Variants in PHLPP1 observed in about 807,000 individuals in gnomAD.
The protein encoded by PHLPP1 is PH domain leucine-rich repeat-containing protein phosphatase 1.
PHLPP1 carries 42 observed loss-of-function variants against 117.2 expected under a neutral mutation model. That is an observed-to-expected ratio of 0.36 (90% CI 0.28 to 0.46). The LOEUF is 0.46. Among genes scored for constraint, PHLPP1 ranks in the 20% least tolerant of loss-of-function variants. The pLI is 1.00. For synonymous variants in PHLPP1, 1,042 were observed against 970.7 expected (o/e 1.07, Z -1.37); for missense variants, 2,084 against 2,241.9 (o/e 0.93, Z 1.42).
In PHLPP1 at chr18:62,775,158, C is replaced by T. The variant is rs374580199; in HGVS notation, c.1577-54877C>T. 7.2e-5 allele frequency among the ~76,000 whole-genome samples: 11 copies of T among 152,202 alleles called. No individual in the cohort carries two copies. In the South Asian group the frequency reaches 1.7e-3, roughly 23 times the overall value. On this transcript the variant is annotated intron_variant, in intron 1 of 16. Coordinates refer to ENST00000262719, the MANE Select transcript of PHLPP1 (RefSeq NM_194449.4). ...TGTCATCCAGGCTGGAGTGCAGTGG[C>T]GCCATCTCAGCTCACTGCAGCCTCT...
intron 4 of PHLPP1, among the ~76,000 whole-genome samples, chr18:62,865,584 T>C (rs1035025335): frequency 1.3e-5 from 2 of 152,210 alleles, no homozygotes; most frequent in African/African-American, 4.8e-5. Flanking sequence ...TGCCAAATCC[T>C]GATGTCTTAG....
rs553271568 is a variant in PHLPP1 at position 62,954,093 on chromosome 18, G to A, written c.3325-4536G>A. Among the ~76,000 whole-genome samples, 4 of 152,260 alleles carry A rather than the reference G, an allele frequency of 2.6e-5. No individual in the cohort carries two copies. In the East Asian group the frequency reaches 7.7e-4, roughly 29 times the overall value. On this transcript the variant is annotated intron_variant, in intron 12 of 16. Transcript: ENST00000262719. Reference sequence around the variant, plus strand: ...TCAAGTTGAATTTCTTTTTCTTTAAGATATAATGACTTTTTTATGCTCTTA... The same window carrying A: ...TCAAGTTGAATTTCTTTTTCTTTAAAATATAATGACTTTTTTATGCTCTTA...
At chr18:62,749,474 T>C (rs1229031433) in intron 1 of PHLPP1, among the ~76,000 whole-genome samples, 3 of 152,258 alleles carry the variant, frequency 2.0e-5, no homozygotes, top group Non-Finnish European at 4.4e-5. Flanking sequence ...AGTTTCTGCC[T>C]TTCCCGTTGT....
intron 7 of PHLPP1, among the ~76,000 whole-genome samples, 194 bp from the exon 8 acceptor site, chr18:62,905,030 T>C (rs1916809991): frequency 6.6e-6 from 1 of 152,258 alleles, no homozygotes; most frequent in South Asian, 2.1e-4. Flanking sequence ...TTTCAATCTC[T>C]GAAGAAGATC....
At chr18:62,818,145 A>C (rs1914347487) in intron 1 of PHLPP1, among the ~76,000 whole-genome samples, 1 of 152,074 alleles carries the variant, frequency 6.6e-6, no homozygotes, top group East Asian at 1.9e-4. Flanking sequence ...TGCCCGGGCC[A>C]AACTTCTTGA....
chr18:62,747,098 A>G (rs910434566), intron 1 of PHLPP1, among the ~76,000 whole-genome samples: 5 of 151,854 alleles, frequency 3.3e-5, no homozygotes, highest in Admixed American at 1.3e-4. Context: ...TGTAACTTTT[A>G]TTCGTGTTTT....
Position 62,716,807 on chromosome 18 carries a change from C to T in PHLPP1, c.1124C>T (p.Ser375Leu), listed in dbSNP as rs1047042335. The stretch of plus-strand genomic sequence containing the variant: ...AGCAGCGGCGGCGGCTCCTCGTCGT[C>T]GTCGGAAGAGCTCGAGGCCGACGCA... ...PYSSGGGSSS[S>L]SEELEADAAS... Residue 375 changes from serine (S) to leucine (L), a missense_variant, in exon 1 of 17, where the codon TCG becomes TTG. By Grantham distance (145) the Ser-to-Leu change is moderately radical. Coordinates refer to ENST00000262719, the MANE Select transcript of PHLPP1 (RefSeq NM_194449.4). This position sits in a 1 kb window ranked among gnomAD's most constrained non-coding sequence, Gnocchi z 5.7. The T allele has an allele frequency of 1.3e-6, 2 of 1,526,910 alleles. No individual in the cohort carries two copies. The highest frequency in any genetic ancestry group is 1.4e-5 in the African/African-American group (1 of 70,728). The allele number at this position is 1,526,910 out of a possible 1,614,324, so 94.6% of individuals were successfully genotyped here. A position where few individuals can be genotyped will look rare whatever the true frequency, so the allele number is the denominator to read the frequency against.
In PHLPP1 at chr18:62,785,601, TC is replaced by T. The variant is rs769848192; in HGVS notation, c.1577-44432del. Among the ~76,000 whole-genome samples the T allele has an allele frequency of 1.3e-3, 203 of 152,314 alleles. 1 individual carries two copies. Among genetic ancestry groups the T allele is most frequent in the Middle Eastern group, 3.4e-3 (1 of 294 alleles). ...TTAAATTGTTTGTGGAAAAAAAGTTTCCTTACAGGCAAGAAAAGCGTAACAT... is the reference window on the plus strand; with the variant it reads ...TTAAATTGTTTGTGGAAAAAAAGTTTCTTACAGGCAAGAAAAGCGTAACAT... On this transcript the variant is annotated intron_variant, in intron 1 of 16. Transcript: ENST00000262719.
At chr18:62,928,951 A>C (rs1405303583) in intron 10 of PHLPP1, among the ~76,000 whole-genome samples, 1 of 152,202 alleles carries the variant, frequency 6.6e-6, no homozygotes, top group East Asian at 1.9e-4. Context: ...AAATCCATAC[A>C]GATAGAAAGT....
At chr18:62,955,247 A>G (rs915483567) in intron 12 of PHLPP1, among the ~76,000 whole-genome samples, 6 of 152,200 alleles carry the variant, frequency 3.9e-5, no homozygotes, top group African/African-American at 1.4e-4. Context: ...CATGGGTGGA[A>G]CATGGAGTGT....
At chr18:62,803,007 G>A (rs553209351) in intron 1 of PHLPP1, among the ~76,000 whole-genome samples, 2 of 152,152 alleles carry the variant, frequency 1.3e-5, no homozygotes, top group South Asian at 2.1e-4. Flanking sequence ...AGAGTAGGGT[G>A]GAGAATGGAG....
At chr18:62,864,126 A>G (rs1043093930) in intron 4 of PHLPP1, among the ~76,000 whole-genome samples, 1 of 151,952 alleles carries the variant, frequency 6.6e-6, no homozygotes, top group Non-Finnish European at 1.5e-5. Context: ...GGTTCAAGCA[A>G]TTCTCCTGCC....
At chr18:62,951,871 A>G (rs1042553579) in intron 12 of PHLPP1, among the ~76,000 whole-genome samples, 3 of 144,516 alleles carry the variant, frequency 2.1e-5, no homozygotes, top group African/African-American at 5.2e-5. Context: ...CTCGAGTGCA[A>G]TGGCGCGATC....
chr18:62,777,903 C>T (rs910888214), intron 1 of PHLPP1, among the ~76,000 whole-genome samples: 2 of 152,162 alleles, frequency 1.3e-5, no homozygotes, highest in Non-Finnish European at 2.9e-5. Flanking sequence ...GCCATAATGT[C>T]ATAGGTTATT....
Position 62,977,453 on chromosome 18 carries a change from A to AC in PHLPP1, c.3985-806dup, listed in dbSNP as rs1911224927. On this transcript the variant is annotated intron_variant, in intron 16 of 16. Coordinates refer to ENST00000262719, the MANE Select transcript of PHLPP1 (RefSeq NM_194449.4). ...CAAAAAAAAAAAAAAAAAAAAAAAA[A>AC]CCCAGGTCTTTTTATTGGCAAGTGG... Among the ~76,000 whole-genome samples the AC allele has an allele frequency of 9.9e-4, 117 of 117,602 alleles. 2 individuals carry two copies. The highest frequency in any genetic ancestry group is 3.6e-3 in the African/African-American group (109 of 30,644). 77.2% of individuals were successfully genotyped at this position (117,602 alleles called of 152,430 possible).
chr18:62,721,947 C>T (rs1306559704), intron 1 of PHLPP1, among the ~76,000 whole-genome samples: 3 of 152,104 alleles, frequency 2.0e-5, no homozygotes, highest in Non-Finnish European at 4.4e-5. Flanking sequence ...TGATCTAAGC[C>T]TAGTATAGTC....
At chr18:62,881,789 G>A (rs776976855) in intron 4 of PHLPP1, among the ~76,000 whole-genome samples, 2 of 152,196 alleles carry the variant, frequency 1.3e-5, no homozygotes, top group African/African-American at 4.8e-5. Flanking sequence ...ATATAGGGAC[G>A]ACAGGAAAAG....
intron 3 of PHLPP1, among the ~76,000 whole-genome samples, chr18:62,856,917 C>G (rs1384375962): frequency 6.6e-6 from 1 of 151,784 alleles, no homozygotes; most frequent in Non-Finnish European, 1.5e-5. Flanking sequence ...AGTCTTGACC[C>G]CCTTTCTCAA....
chr18:62,954,709 C>T (rs983149399), intron 12 of PHLPP1, among the ~76,000 whole-genome samples: 3 of 152,096 alleles, frequency 2.0e-5, no homozygotes. Context: ...TGGTTGCATT[C>T]TTATGTAGAA....
Sources: allele counts gnomAD v4.1 joint callset (sites outside exome capture counted in the v4.1 genomes callset), GRCh38; gene constraint gnomAD v4.1.1; non-coding constraint Gnocchi (gnomAD v3.1); transcripts MANE v1.5; gene names NCBI Gene and HGNC (gene_info 2026-07-23, HGNC 2026-07-21).